ARL15: variants seen among roughly 807,000 people sequenced by gnomAD.
ARL15 encodes ARF like GTPase 15.
A neutral mutation model predicts 25.2 loss-of-function variants in ARL15; 19 were observed. The ratio of observed to expected loss-of-function variants is 0.75; its 90% CI spans 0.53 to 1.10. ARL15 has a LOEUF of 1.10. Ranked by LOEUF, ARL15 falls within the 50% of genes least tolerant of loss-of-function variation. ARL15 has a pLI of 0.00. For synonymous variants in ARL15, 94 were observed against 86.8 expected (o/e 1.08, Z -0.46); for missense variants, 220 against 246.0 (o/e 0.89, Z 0.71).
At chr5:54,196,482 C>T (rs984433503) in intron 1 of ARL15, among the ~76,000 whole-genome samples, 1 of 152,084 alleles carries the variant, frequency 6.6e-6, no homozygotes, top group Admixed American at 6.6e-5. Context: ...AATAATGGGA[C>T]TAATATACAG....
chr5:54,093,482 T>G (rs535178268), intron 4 of ARL15, among the ~76,000 whole-genome samples: 2 of 152,158 alleles, frequency 1.3e-5, no homozygotes, highest in Non-Finnish European at 2.9e-5. Context: ...ATGCTCTATT[T>G]GATTGCTACC....
chr5:53,933,343 TA>T (rs1343242180), intron 4 of ARL15, among the ~76,000 whole-genome samples: 1 of 152,106 alleles, frequency 6.6e-6, no homozygotes, highest in Non-Finnish European at 1.5e-5. Context: ...GGTTTTCTAT[TA>T]TCAGTAAAGA....
At chr5:53,935,384 A>G (rs931776590) in intron 4 of ARL15, among the ~76,000 whole-genome samples, 1 of 152,232 alleles carries the variant, frequency 6.6e-6, no homozygotes, top group Non-Finnish European at 1.5e-5. Context: ...GAAAATAAAC[A>G]GAATACTATT....
intron 1 of ARL15, among the ~76,000 whole-genome samples, chr5:54,211,617 C>T (rs1451446330): frequency 6.6e-6 from 1 of 151,720 alleles, no homozygotes; most frequent in African/African-American, 2.4e-5. Flanking sequence ...AATACAGGTG[C>T]CCGCCACCAT....
chr5:54,109,005 C>T (rs1019909329), intron 4 of ARL15, among the ~76,000 whole-genome samples: 13 of 151,946 alleles, frequency 8.6e-5, no homozygotes, highest in African/African-American at 2.7e-4. Flanking sequence ...TATATCATTA[C>T]AAAAATACTT....
At chr5:53,989,779 T>C (rs1748421986) in intron 4 of ARL15, among the ~76,000 whole-genome samples, 1 of 152,342 alleles carries the variant, frequency 6.6e-6, no homozygotes, top group Middle Eastern at 3.4e-3. Flanking sequence ...GAGCGACTCC[T>C]TCCACAGAAT....
intron 4 of ARL15, among the ~76,000 whole-genome samples, chr5:53,980,831 T>C (rs1351760087): frequency 3.3e-5 from 5 of 152,142 alleles, no homozygotes; most frequent in African/African-American, 2.4e-5. Flanking sequence ...CAAACTGCCC[T>C]GTAGCGAGGC....
At chr5:54,204,902 G>A (rs947490694) in intron 1 of ARL15, among the ~76,000 whole-genome samples, 4 of 149,856 alleles carry the variant, frequency 2.7e-5, no homozygotes, top group South Asian at 2.1e-4. Flanking sequence ...AGTCATTTAC[G>A]AAGAATCATC....
At chr5:53,983,347 AG>A (rs1286462723) in intron 4 of ARL15, among the ~76,000 whole-genome samples, 1 of 152,202 alleles carries the variant, frequency 6.6e-6, no homozygotes, top group African/African-American at 2.4e-5. Context: ...TGCATCTTAA[AG>A]GAAAACAGCA....
At chr5:54,134,341 C>T (rs540484052) in intron 3 of ARL15, among the ~76,000 whole-genome samples, 5 of 152,220 alleles carry the variant, frequency 3.3e-5, no homozygotes, top group East Asian at 1.9e-4. Flanking sequence ...AGAAATCAGA[C>T]GGCAGTAGTT....
intron 4 of ARL15, among the ~76,000 whole-genome samples, chr5:54,075,082 A>AAAAAAT: frequency 6.7e-6 from 1 of 150,016 alleles, no homozygotes; most frequent in African/African-American, 2.4e-5. Flanking sequence ...GGAAAAAAAA[A>AAAAAAT]AAAAAAAAAA....
intron 1 of ARL15, among the ~76,000 whole-genome samples, chr5:54,214,885 G>A (rs1349262290): frequency 6.6e-6 from 1 of 152,188 alleles, no homozygotes; most frequent in African/African-American, 2.4e-5. Context: ...CCAGACTTGG[G>A]AAAACATTTC....
chr5:53,933,196 G>C (rs1344393820), intron 4 of ARL15, among the ~76,000 whole-genome samples: 2 of 152,102 alleles, frequency 1.3e-5, no homozygotes, highest in African/African-American at 4.8e-5. Flanking sequence ...ATCTTCCAAG[G>C]TCTGGGCAAG....
At chr5:54,053,709 C>A (rs115386764) in intron 4 of ARL15, among the ~76,000 whole-genome samples, 1 of 152,054 alleles carries the variant, frequency 6.6e-6, no homozygotes, top group Admixed American at 6.6e-5. Context: ...TATTGAGAGG[C>A]GCTCTATAAA....
intron 4 of ARL15, among the ~76,000 whole-genome samples, chr5:54,024,174 C>T (rs149036252): frequency 1.3e-5 from 2 of 152,170 alleles, no homozygotes; most frequent in South Asian, 2.1e-4. Context: ...TTGCCCTTGG[C>T]CCCTACGATA....
At chr5:54,309,674 G>C (rs1180736527) in intron 1 of ARL15, among the ~76,000 whole-genome samples, 1 of 152,182 alleles carries the variant, frequency 6.6e-6, no homozygotes, top group East Asian at 1.9e-4. Context: ...AACAAAACAT[G>C]GTGCTCGCAT....
intron 1 of ARL15, among the ~76,000 whole-genome samples, chr5:54,230,981 T>C (rs778069565): frequency 2.0e-5 from 3 of 152,328 alleles, no homozygotes; most frequent in Non-Finnish European, 2.9e-5. Context: ...ATCTCACTAA[T>C]AGCATTTTTA....
At chr5:54,247,114 T>C (rs1003146837) in intron 1 of ARL15, among the ~76,000 whole-genome samples, 76 of 152,230 alleles carry the variant, frequency 5.0e-4, no homozygotes, top group African/African-American at 1.8e-3. Context: ...ATCTTGGATA[T>C]TATTGAATGT....
At chr5:53,951,745 T>C (rs1746971623) in intron 4 of ARL15, 1 of 297,778 alleles carries the variant, frequency 3.4e-6, no homozygotes, top group African/African-American at 2.3e-5. Context: ...CATGAATCTT[T>C]TTCAAGCATT....
Sources: gnomAD v4.1 joint callset for allele counts (sites outside exome capture counted in the v4.1 genomes callset) on GRCh38, gnomAD v4.1.1 for gene constraint, MANE v1.5 for transcripts, NCBI Gene and HGNC (gene_info 2026-07-23, HGNC 2026-07-21) for gene names.